Variants in PUDP observed in about 807,000 individuals in gnomAD.
PUDP encodes the protein pseudouridine-5'-phosphatase.
A neutral mutation model predicts 9.4 loss-of-function variants in PUDP; 8 were observed. That is an observed-to-expected ratio of 0.85 (90% CI 0.50 to 1.53). PUDP has a LOEUF of 1.53. Among genes scored for constraint, PUDP ranks in the 40% most tolerant of loss-of-function variants. PUDP has a pLI of 0.00. For missense variants in PUDP, 188 were observed against 189.7 expected (o/e 0.99, Z 0.05); for synonymous variants, 99 against 80.7 (o/e 1.23, Z -1.22).
intron 3 of PUDP, among the ~76,000 whole-genome samples, chrX:6,765,083 G>A (rs894912338): frequency 5.6e-5 from 6 of 106,706 alleles, no homozygotes; most frequent in Middle Eastern, 4.7e-3. Context: ...CCTGGGCAAC[G>A]TGGTGAAACT....
chrX:7,129,807 T>A (rs1374152118), intron 1 of PUDP, among the ~76,000 whole-genome samples: 1 of 111,648 alleles, frequency 9.0e-6, no homozygotes, highest in Non-Finnish European at 1.9e-5. Flanking sequence ...GAAAGAGCCA[T>A]CCTAACCTTC....
intron 3 of PUDP, among the ~76,000 whole-genome samples, chrX:6,895,361 T>C (rs1326843494): frequency 2.0e-5 from 2 of 101,748 alleles, no homozygotes; most frequent in East Asian, 6.2e-4. Flanking sequence ...ATCTAATATT[T>C]TTAGTACTAT....
intron 1 of PUDP, among the ~76,000 whole-genome samples, chrX:7,119,391 T>C (rs1354747072): frequency 1.8e-5 from 2 of 112,762 alleles, no homozygotes; most frequent in Non-Finnish European, 3.7e-5. Flanking sequence ...CAAATGAGCC[T>C]GCATGTAAAT....
intron 3 of PUDP, among the ~76,000 whole-genome samples, chrX:6,839,903 C>T (rs760592176): frequency 1.1e-4 from 12 of 110,003 alleles, no homozygotes; most frequent in African/African-American, 3.7e-4. Context: ...GCCCCCCCCT[C>T]CCCCATACAC....
At chrX:7,045,103 C>G (rs986214751), downstream of PUDP, among the ~76,000 whole-genome samples, 6 of 112,135 alleles carry the variant, frequency 5.4e-5, no homozygotes, top group Non-Finnish European at 1.1e-4. Context: ...GGGTGGTTTC[C>G]CCCATGCTGT....
intron 3 of PUDP, among the ~76,000 whole-genome samples, chrX:6,973,154 A>C (rs1203957424): frequency 8.9e-6 from 1 of 111,906 alleles, no homozygotes; most frequent in Non-Finnish European, 1.9e-5. Context: ...TTTTCAAAAA[A>C]CAAGCTCCTG....
chrX:6,736,291 A>G (rs1924871688), intron 3 of PUDP, among the ~76,000 whole-genome samples: 1 of 111,820 alleles, frequency 8.9e-6, no homozygotes, highest in South Asian at 3.7e-4. Flanking sequence ...TGAAAAATAA[A>G]TAAGTGGTCT....
chrX:6,834,881 C>T (rs919039888), intron 3 of PUDP, among the ~76,000 whole-genome samples: 4 of 110,614 alleles, frequency 3.6e-5, no homozygotes, highest in African/African-American at 1.3e-4. Context: ...GAGGGTGCAG[C>T]CTCCAGGACC....
chrX:6,748,915 T>C (rs1325092060), intron 3 of PUDP, among the ~76,000 whole-genome samples: 1 of 111,295 alleles, frequency 9.0e-6, no homozygotes, highest in Non-Finnish European at 1.9e-5. Context: ...CTAATTCATC[T>C]GCAGATGTGC....
intron 3 of PUDP, among the ~76,000 whole-genome samples, chrX:6,839,164 G>A (rs1926628252): frequency 9.0e-6 from 1 of 111,480 alleles, no homozygotes; most frequent in Non-Finnish European, 1.9e-5. Context: ...AGTGTTTATT[G>A]CACATTTTTT....
chrX:6,779,086 T>G (rs1287612333), intron 3 of PUDP, among the ~76,000 whole-genome samples: 1 of 111,847 alleles, frequency 8.9e-6, no homozygotes, highest in African/African-American at 3.3e-5. Flanking sequence ...ATTTGCTATT[T>G]TTAGCACAGG....
At chrX:6,720,174 ATG>A (rs1187405474) in intron 1 of PUDP, among the ~76,000 whole-genome samples, 1 of 100,364 alleles carries the variant, frequency 1.0e-5, no homozygotes, top group Non-Finnish European at 2.0e-5. Flanking sequence ...GTGTATATAT[ATG>A]TGTGTATATA....
intron 3 of PUDP, among the ~76,000 whole-genome samples, chrX:6,874,817 G>T (rs777664127): frequency 3.5e-4 from 39 of 111,937 alleles, no homozygotes; most frequent in African/African-American, 1.3e-3. Flanking sequence ...TTTCCCTCCA[G>T]AAGACATCTT....
chrX:6,819,457 T>A (rs142903868), intron 3 of PUDP, among the ~76,000 whole-genome samples: 3,291 of 112,377 alleles, frequency 0.029, 61 homozygotes, highest in East Asian at 0.17. Context: ...CACAAAATGG[T>A]CCTTGGAGAT....
At chrX:7,117,113 A>G in intron 1 of PUDP, 1 of 1,107,735 alleles carries the variant, frequency 9.0e-7, no homozygotes, top group Non-Finnish European at 1.2e-6. Flanking sequence ...CAATGCAAGC[A>G]CGGCCTAATA....
At chrX:7,117,102 G>A (rs1402227299) in intron 1 of PUDP, 8 of 1,143,648 alleles carry the variant, frequency 7.0e-6, no homozygotes, top group Middle Eastern at 2.3e-4. Context: ...TTTCTTTAAG[G>A]CAATGCAAGC....
chrX:6,727,211 A>C (rs1014155908), intron 3 of PUDP, among the ~76,000 whole-genome samples: 1 of 110,561 alleles, frequency 9.0e-6, no homozygotes, highest in African/African-American at 3.3e-5. Context: ...GTTCAAGAGG[A>C]AAAAAAGATA....
At chrX:7,087,105 C>G (rs958752562) in intron 2 of PUDP, among the ~76,000 whole-genome samples, 16 of 111,880 alleles carry the variant, frequency 1.4e-4, no homozygotes, top group African/African-American at 4.9e-4. Flanking sequence ...CCACAAAATT[C>G]ATGTTCACCT....
At chrX:7,082,114 G>A (rs1366573185) in intron 2 of PUDP, among the ~76,000 whole-genome samples, 3 of 111,986 alleles carry the variant, frequency 2.7e-5, no homozygotes, top group African/African-American at 9.7e-5. Context: ...GTGTGCTTCC[G>A]TGGGTTTACA....
Sources: gnomAD v4.1 joint callset for allele counts (sites outside exome capture counted in the v4.1 genomes callset) on GRCh38, gnomAD v4.1.1 for gene constraint, MANE v1.5 for transcripts, NCBI Gene and HGNC (gene_info 2026-07-23, HGNC 2026-07-21) for gene names.